The following MAN1A2 variants were observed in gnomAD, a reference collection of about 807,000 sequenced individuals.
MAN1A2 encodes mannosyl-oligosaccharide 1,2-alpha-mannosidase IB.
Under a neutral mutation model 75.7 loss-of-function variants are expected in MAN1A2, and 26 were observed. The ratio of observed to expected loss-of-function variants is 0.34; its 90% CI spans 0.25 to 0.48. MAN1A2 has a LOEUF of 0.48. Ranked by LOEUF, MAN1A2 falls within the 20% of genes least tolerant of loss-of-function variation. The pLI is 0.99. For synonymous variants in MAN1A2, 247 were observed against 264.6 expected, an observed-to-expected ratio of 0.93 and a Z score of 0.65; for missense variants, 562 against 775.5, an observed-to-expected ratio of 0.72 and a Z score of 3.27.
At chr1:117,421,533 C>T (rs1047664938) in intron 5 of MAN1A2, among the ~76,000 whole-genome samples, 3 of 150,976 alleles carry the variant, frequency 2.0e-5, no homozygotes, top group African/African-American at 7.3e-5. Context: ...TTCCCATTTT[C>T]GTATGGATTT....
At chr1:117,402,560 A>G (rs1647475038) in intron 2 of MAN1A2, 119 bp downstream of exon 2, 3 of 909,870 alleles carry the variant, frequency 3.3e-6, no homozygotes, top group Non-Finnish European at 4.6e-6. Context: ...TAGTTGTAGT[A>G]TAGTTTCCAG....
intron 1 of MAN1A2, among the ~76,000 whole-genome samples, chr1:117,388,490 G>C (rs1653613924): frequency 6.6e-6 from 1 of 152,148 alleles, no homozygotes; most frequent in South Asian, 2.1e-4. Context: ...TGCTTCTGAA[G>C]AGGCCCCAGG....
intron 12 of MAN1A2, among the ~76,000 whole-genome samples, chr1:117,511,380 G>C (rs1426702117): frequency 6.6e-6 from 1 of 152,016 alleles, no homozygotes; most frequent in Admixed American, 6.6e-5. Flanking sequence ...CTTGCTAATT[G>C]CCCTGGTTGG....
Position 117,522,907 on chromosome 1 carries a change from G to A in MAN1A2, c.1876G>A (p.Val626Met). The stretch of plus-strand genomic sequence containing the variant: ...TAATACAGAGGCTCACCCTCTGCCT[G>A]TGTTACATTTAGCCAACACCACACT... ...VFNTEAHPLP[V>M]LHLANTTLSG... Residue 626 changes from valine to methionine, a missense_variant, in exon 13 of 13, where the codon GTG becomes ATG. Physicochemically the swap from Val to Met is conservative, Grantham distance 21. Coordinates refer to ENST00000356554, the MANE Select transcript of MAN1A2 (RefSeq NM_006699.5). 1 of 1,611,724 alleles carries A rather than the reference G, an allele frequency of 6.2e-7. No homozygotes were observed. The highest frequency in any genetic ancestry group is 8.5e-7 in the Non-Finnish European group (1 of 1,178,526).
intron 9 of MAN1A2, 153 bp downstream of exon 9, chr1:117,493,415 C>A (rs1431994251): frequency 2.1e-6 from 1 of 479,084 alleles, no homozygotes; most frequent in Admixed American, 3.8e-5. Context: ...GAGTTTGTTA[C>A]TATTTTAATA....
chr1:117,526,231 G>A lies in MAN1A2; in HGVS notation c.*3274G>A, dbSNP rs776702564. ...GAATGTGTGAACGAACATTTATGAAGTATCTAACATGTGCCAAGCATTGTG... is the reference window on the plus strand; with the variant it reads ...GAATGTGTGAACGAACATTTATGAAATATCTAACATGTGCCAAGCATTGTG... On this transcript the variant is annotated 3_prime_UTR_variant, in exon 13 of 13. Coordinates refer to ENST00000356554, the MANE Select transcript of MAN1A2 (RefSeq NM_006699.5). 6.6e-6 allele frequency: 1 copy of A among 151,782 alleles called. No individual in the cohort carries two copies. The highest frequency in any genetic ancestry group is 1.5e-5 in the Non-Finnish European group (1 of 67,808). 9.4% of individuals were successfully genotyped at this position (151,782 alleles called of 1,614,324 possible).
At chr1:117,438,178 A>G (rs1648906447) in intron 5 of MAN1A2, among the ~76,000 whole-genome samples, 1 of 152,200 alleles carries the variant, frequency 6.6e-6, no homozygotes, top group Admixed American at 6.5e-5. Context: ...CTTATTTCCT[A>G]GTGATGTTTT....
At chr1:117,400,112 G>A (rs1647370708) in intron 1 of MAN1A2, among the ~76,000 whole-genome samples, 1 of 151,964 alleles carries the variant, frequency 6.6e-6, no homozygotes. Context: ...GAACAGATCA[G>A]CCCTCATGTC....
intron 8 of MAN1A2, among the ~76,000 whole-genome samples, chr1:117,491,359 C>T (rs546979516): frequency 4.6e-5 from 7 of 152,048 alleles, no homozygotes; most frequent in Non-Finnish European, 1.0e-4. Flanking sequence ...GTTACATCTA[C>T]TCCCTGTGTG....
intron 4 of MAN1A2, among the ~76,000 whole-genome samples, chr1:117,417,560 T>TATA (rs1648041035): frequency 4.0e-5 from 5 of 126,204 alleles, no homozygotes; most frequent in African/African-American, 9.3e-5. Flanking sequence ...TATATATATG[T>TATA]GATATATATG....
At chr1:117,461,277 T>C (rs993102122) in intron 7 of MAN1A2, among the ~76,000 whole-genome samples, 1 of 152,158 alleles carries the variant, frequency 6.6e-6, no homozygotes, top group African/African-American at 2.4e-5. Flanking sequence ...GAGGACATTA[T>C]GTTAAGTGAA....
At chr1:117,499,824 C>G (rs1291373645) in intron 11 of MAN1A2, among the ~76,000 whole-genome samples, 1 of 150,314 alleles carries the variant, frequency 6.7e-6, no homozygotes, top group Admixed American at 6.7e-5. Context: ...GTAAAGGAAG[C>G]AAGTGGTTTA....
intron 8 of MAN1A2, among the ~76,000 whole-genome samples, chr1:117,492,879 CTG>C (rs992642280): frequency 9.2e-5 from 14 of 152,000 alleles, no homozygotes; most frequent in African/African-American, 2.9e-4. Flanking sequence ...AGTGAACAAA[CTG>C]TAATTCAAGA....
intron 7 of MAN1A2, among the ~76,000 whole-genome samples, chr1:117,462,121 A>T (rs981730908): frequency 6.6e-6 from 1 of 152,196 alleles, no homozygotes; most frequent in Non-Finnish European, 1.5e-5. Flanking sequence ...TAACTTTAAA[A>T]TATAAAACCC....
At chr1:117,395,842 C>T (rs748427928) in intron 1 of MAN1A2, among the ~76,000 whole-genome samples, 4 of 152,168 alleles carry the variant, frequency 2.6e-5, no homozygotes, top group Non-Finnish European at 4.4e-5. Flanking sequence ...CCCCAGACCA[C>T]CCTCTGGCTT....
At chr1:117,483,160 A>G (rs1650553734) in intron 8 of MAN1A2, among the ~76,000 whole-genome samples, 1 of 152,118 alleles carries the variant, frequency 6.6e-6, no homozygotes, top group South Asian at 2.1e-4. Context: ...TATAGTTTGA[A>G]GTCAGGTAGC....
intron 12 of MAN1A2, among the ~76,000 whole-genome samples, chr1:117,506,988 A>C (rs529653930): frequency 6.6e-6 from 1 of 151,792 alleles, no homozygotes; most frequent in South Asian, 2.1e-4. Context: ...AATATTAATA[A>C]ACAGTATTGA....
At position 117,402,545 on chromosome 1, in the gene MAN1A2, G is replaced by A. The variant is rs528814060; in HGVS notation, c.558+104G>A. Reference sequence around the variant, plus strand: ...TCCTGTTTTGATCTGTTTATTCTTGGGTCATAGTTGTAGTATAGTTTCCAG... The same window carrying A: ...TCCTGTTTTGATCTGTTTATTCTTGAGTCATAGTTGTAGTATAGTTTCCAG... On this transcript the variant is annotated intron_variant, in intron 2 of 12. Coordinates refer to ENST00000356554, the MANE Select transcript of MAN1A2 (RefSeq NM_006699.5). 1.2e-4 allele frequency: 132 copies of A among 1,111,102 alleles called. No homozygotes were observed. In the Admixed American group the frequency reaches 3.7e-3, roughly 32 times the overall value. The allele number at this position is 1,111,102 out of a possible 1,614,324, so 68.8% of individuals were successfully genotyped here.
At chr1:117,427,612 C>T (rs548014080) in intron 5 of MAN1A2, among the ~76,000 whole-genome samples, 2 of 152,098 alleles carry the variant, frequency 1.3e-5, no homozygotes, top group East Asian at 3.9e-4. Context: ...GGTGATGGAC[C>T]TGAATTTCAA....
Sources: gnomAD v4.1 joint callset for allele counts (sites outside exome capture counted in the v4.1 genomes callset) on GRCh38, gnomAD v4.1.1 for gene constraint, MANE v1.5 for transcripts, NCBI Gene and HGNC (gene_info 2026-07-23, HGNC 2026-07-21) for gene names.